Variants in RMND1 observed in about 807,000 individuals in gnomAD.
RMND1 encodes required for meiotic nuclear division protein 1 homolog.
A neutral mutation model predicts 54.0 loss-of-function variants in RMND1; 41 were observed. The ratio of observed to expected loss-of-function variants is 0.76; its 90% CI spans 0.59 to 0.98. RMND1 has a LOEUF of 0.98. RMND1 is among the 50% of genes least tolerant of loss of function. The pLI is 0.00. For missense variants in RMND1, 457 were observed against 532.0 expected (o/e 0.86, Z 1.39); for synonymous variants, 183 against 181.7 (o/e 1.01, Z -0.06).
At chr6:151,428,646 C>T (rs1226296231) in intron 5 of RMND1, among the ~76,000 whole-genome samples, 4 of 152,164 alleles carry the variant, frequency 2.6e-5, no homozygotes, top group African/African-American at 9.7e-5. Context: ...ATCCCCCTGC[C>T]TTAGCCTCCC....
intron 3 of RMND1, among the ~76,000 whole-genome samples, chr6:151,434,050 T>C (rs1455660307): frequency 6.6e-6 from 1 of 151,058 alleles, no homozygotes; most frequent in African/African-American, 2.4e-5. Flanking sequence ...GGTCTCACTA[T>C]GTTGCCCAGG....
chr6:151,447,190 C>T (rs1277844165), intron 1 of RMND1, among the ~76,000 whole-genome samples: 1 of 152,106 alleles, frequency 6.6e-6, no homozygotes, highest in Non-Finnish European at 1.5e-5. Flanking sequence ...TAGGAGTGAG[C>T]TGCAGGAGGT....
chr6:151,443,894 A>G (rs1780867677), intron 2 of RMND1, among the ~76,000 whole-genome samples: 2 of 152,250 alleles, frequency 1.3e-5, no homozygotes, highest in Non-Finnish European at 2.9e-5. Context: ...AAAATGTTCA[A>G]CTAGATTATT....
At chr6:151,434,575 A>G (rs930852759) in intron 3 of RMND1, among the ~76,000 whole-genome samples, 1 of 152,194 alleles carries the variant, frequency 6.6e-6, no homozygotes, top group African/African-American at 2.4e-5. Context: ...ATCAGCCAAC[A>G]ATACCTCCAG....
intron 6 of RMND1, 66 bp downstream of exon 6, chr6:151,427,416 T>G: frequency 1.1e-6 from 1 of 905,430 alleles, no homozygotes; most frequent in South Asian, 1.5e-5. Context: ...ATAATTTGTC[T>G]CCTCTATTGC....
At chr6:151,418,652 A>G (rs1021421913) in intron 9 of RMND1, 2 of 152,136 alleles carry the variant, frequency 1.3e-5, no homozygotes, top group Admixed American at 1.3e-4. Context: ...ATCTTTCCCT[A>G]TCAGTAATCC....
At chr6:151,448,731 G>A (rs1164094327) in intron 1 of RMND1, among the ~76,000 whole-genome samples, 1 of 152,162 alleles carries the variant, frequency 6.6e-6, no homozygotes, top group Non-Finnish European at 1.5e-5. Context: ...CAACCAAAGT[G>A]ATCCTTTGAA....
intron 5 of RMND1, among the ~76,000 whole-genome samples, chr6:151,429,403 G>A (rs985482805): frequency 1.1e-4 from 16 of 152,142 alleles, no homozygotes; most frequent in Non-Finnish European, 2.9e-5. Context: ...TTACAGGCGT[G>A]AGCCACCATG....
chr6:151,414,219 T>C (rs941245881), intron 10 of RMND1, among the ~76,000 whole-genome samples: 1 of 152,132 alleles, frequency 6.6e-6, no homozygotes, highest in Non-Finnish European at 1.5e-5. Context: ...TACAGGCACA[T>C]GCCATTATAC....
intron 10 of RMND1, among the ~76,000 whole-genome samples, chr6:151,412,911 C>A (rs1779895015): frequency 1.3e-5 from 2 of 152,114 alleles, no homozygotes; most frequent in African/African-American, 4.8e-5. Flanking sequence ...ATCCAGTCAC[C>A]CCCCCACCAG....
intron 1 of RMND1, chr6:151,446,119 C>T (rs1780945825): frequency 7.4e-6 from 2 of 271,740 alleles, no homozygotes; most frequent in Admixed American, 9.8e-5. Flanking sequence ...ATTAGCATAT[C>T]AAGTATATAA....
chr6:151,448,990 T>C (rs1047597811), intron 1 of RMND1, among the ~76,000 whole-genome samples: 54 of 134,256 alleles, frequency 4.0e-4, no homozygotes, highest in African/African-American at 1.5e-3. Flanking sequence ...GGCACGAGAA[T>C]GGCTTGAATC....
rs116466942 is a variant in RMND1 at position 151,420,292 on chromosome 6, G to A, written c.1079+953C>T. ...GATGGATGGGTTTTTAAGTTTTGTT[G>A]GTACCCTGAACTATAGGTCCTGAGC... On this transcript the variant is annotated intron_variant, in intron 9 of 11. Transcript: ENST00000444024. Among the ~76,000 whole-genome samples the A allele has an allele frequency of 8.0e-3, 1,222 of 152,140 alleles. 17 individuals carry two copies. The highest frequency in any genetic ancestry group is 0.025 in the African/African-American group (1,036 of 41,486).
Position 151,405,093 on chromosome 6 carries a change from T to TC in RMND1, c.*141dup. 2 of 660,482 alleles carry TC rather than the reference T, an allele frequency of 3.0e-6. No homozygotes were observed. The highest frequency in any genetic ancestry group is 5.3e-6 in the Non-Finnish European group (2 of 378,852). The allele number at this position is 660,482 out of a possible 1,614,324, so 40.9% of individuals were successfully genotyped here. A position where few individuals can be genotyped will look rare whatever the true frequency, so the allele number is the denominator to read the frequency against. On this transcript the variant is annotated 3_prime_UTR_variant, in exon 12 of 12. Coordinates refer to ENST00000444024, the MANE Select transcript of RMND1 (RefSeq NM_017909.4). ...CATGTTGGCCAGGCTTGTCTTGAGCTCCTGATCTCATCTCAAGCCACCCTT... is the reference window on the plus strand; with the variant it reads ...CATGTTGGCCAGGCTTGTCTTGAGCTCCCTGATCTCATCTCAAGCCACCCTT...
intron 9 of RMND1, among the ~76,000 whole-genome samples, chr6:151,419,374 G>C (rs1780092408): frequency 6.6e-6 from 1 of 151,430 alleles, no homozygotes; most frequent in African/African-American, 2.4e-5. Flanking sequence ...CTTACACTTA[G>C]ATGTTTAACT....
At chr6:151,445,144 T>C in intron 2 of RMND1, 164 bp downstream of exon 2, 2 of 625,966 alleles carry the variant, frequency 3.2e-6, no homozygotes, top group South Asian at 6.1e-5. Flanking sequence ...AAAATTAAGA[T>C]TCTGAATCCC....
chr6:151,449,918 C>T (rs538124753), intron 1 of RMND1, among the ~76,000 whole-genome samples: 4 of 152,350 alleles, frequency 2.6e-5, no homozygotes, highest in East Asian at 1.9e-4. Context: ...CCCGAGGTGC[C>T]GGGTTTGCAG....
At chr6:151,412,859 A>C (rs1432562944) in intron 10 of RMND1, among the ~76,000 whole-genome samples, 1 of 152,172 alleles carries the variant, frequency 6.6e-6, no homozygotes, top group African/African-American at 2.4e-5. Flanking sequence ...AACAGCACCA[A>C]GGGGATGGTG....
At chr6:151,450,073 G>A (rs1282738767) in intron 1 of RMND1, among the ~76,000 whole-genome samples, 2 of 152,046 alleles carry the variant, frequency 1.3e-5, no homozygotes, top group East Asian at 1.9e-4. Flanking sequence ...GCCCCCCATC[G>A]TCTGGGACGT....
Sources: gnomAD v4.1 joint callset for allele counts (sites outside exome capture counted in the v4.1 genomes callset) on GRCh38, gnomAD v4.1.1 for gene constraint, MANE v1.5 for transcripts, NCBI Gene and HGNC (gene_info 2026-07-23, HGNC 2026-07-21) for gene names.